Variants in PRLR observed in about 807,000 individuals in gnomAD.
PRLR encodes prolactin receptor.
A neutral mutation model predicts 40.2 loss-of-function variants in PRLR; 13 were observed. The observed-to-expected ratio is 0.32, with a 90% CI of 0.21 to 0.51. The LOEUF (loss-of-function observed/expected upper bound fraction) is 0.51. PRLR is among the 20% of genes least tolerant of loss of function. The pLI is 0.97. For synonymous variants in PRLR, 269 were observed against 278.7 expected (o/e 0.97, Z 0.35); for missense variants, 656 against 747.3 (o/e 0.88, Z 1.42).
chr5:35,078,517 C>G (rs527285950), intron 5 of PRLR, among the ~76,000 whole-genome samples: 229 of 152,144 alleles, frequency 1.5e-3, no homozygotes, highest in Non-Finnish European at 2.9e-3. Context: ...GAAGTTGAAT[C>G]TCTGAATAGA....
chr5:35,065,390 A>G lies in PRLR; in HGVS notation c.1568T>C (p.Leu523Ser). 1.2e-6 allele frequency: 2 copies of G among 1,614,144 alleles called. No homozygotes were observed. Reference protein sequence around the residue: ...HKVNKDGALSLLPKQRENSGK... With the variant: ...HKVNKDGALSSLPKQRENSGK... ...GCTGTTCTCTCTCTGTTTTGGTAGC[A>G]ATGATAATGCACCATCTTTGTTGAC... Residue 523 changes from leucine to serine, a missense_variant, in exon 10 of 10, where the codon TTG (leucine) becomes TCG (serine). Transcript: ENST00000618457.
intron 1 of PRLR, among the ~76,000 whole-genome samples, chr5:35,131,588 C>T (rs1037091315): frequency 7.2e-5 from 11 of 152,306 alleles, no homozygotes; most frequent in African/African-American, 2.6e-4. Flanking sequence ...GGATGCTGAT[C>T]CCCTGTATGG....
intron 1 of PRLR, among the ~76,000 whole-genome samples, chr5:35,144,038 C>T (rs1774101617): frequency 6.7e-6 from 1 of 149,046 alleles, no homozygotes; most frequent in Admixed American, 6.8e-5. Context: ...AGCTCTAACA[C>T]TCATTATTAA....
chr5:35,146,322 A>G (rs148767393), intron 1 of PRLR, among the ~76,000 whole-genome samples: 1 of 152,316 alleles, frequency 6.6e-6, no homozygotes, highest in East Asian at 1.9e-4. Context: ...ATCAATTGCA[A>G]TGCAGATTTG....
chr5:35,067,411 A>G (rs1287280123), intron 9 of PRLR, among the ~76,000 whole-genome samples: 1 of 152,110 alleles, frequency 6.6e-6, no homozygotes, highest in Non-Finnish European at 1.5e-5. Context: ...GTGGAGGAAG[A>G]GCACTGGGTC....
At chr5:35,150,264 G>A (rs1453210702) in intron 1 of PRLR, among the ~76,000 whole-genome samples, 1 of 152,180 alleles carries the variant, frequency 6.6e-6, no homozygotes, top group Non-Finnish European at 1.5e-5. Flanking sequence ...TTACCACAGA[G>A]TGAGGATTGT....
intron 1 of PRLR, among the ~76,000 whole-genome samples, chr5:35,222,257 C>T (rs1403500464): frequency 2.0e-5 from 3 of 151,930 alleles, no homozygotes; most frequent in Admixed American, 6.6e-5. Context: ...GAGCCGAGAT[C>T]GCGCCACTGC....
intron 1 of PRLR, among the ~76,000 whole-genome samples, chr5:35,204,110 T>C: frequency 6.6e-6 from 1 of 151,952 alleles, no homozygotes. Context: ...CTTAAAGGAA[T>C]GTGTATTTCA....
chr5:35,113,182 C>T (rs1772778067), intron 2 of PRLR, among the ~76,000 whole-genome samples: 1 of 150,992 alleles, frequency 6.6e-6, no homozygotes, highest in Admixed American at 6.6e-5. Context: ...CTCCATCCAC[C>T]CACCCATCTA....
intron 3 of PRLR, among the ~76,000 whole-genome samples, chr5:35,089,010 AC>A (rs1370808578): frequency 6.6e-6 from 1 of 152,208 alleles, no homozygotes; most frequent in African/African-American, 2.4e-5. Flanking sequence ...GGGTTGACAT[AC>A]AGAAGTGTAT....
chr5:35,083,448 C>CTGTGTGTG (rs144426701), intron 5 of PRLR, among the ~76,000 whole-genome samples: 3 of 144,356 alleles, frequency 2.1e-5, no homozygotes, highest in African/African-American at 7.9e-5. Flanking sequence ...TCCTCTCTCT[C>CTGTGTGTG]TGTGTGTGTG....
intron 1 of PRLR, among the ~76,000 whole-genome samples, chr5:35,123,565 G>C (rs1773361324): frequency 6.6e-6 from 1 of 152,148 alleles, no homozygotes; most frequent in South Asian, 2.1e-4. Flanking sequence ...TGATGTTATT[G>C]ATTTCATTGT....
At chr5:35,227,108 T>TA (rs1199091549) in intron 1 of PRLR, among the ~76,000 whole-genome samples, 1 of 152,224 alleles carries the variant, frequency 6.6e-6, no homozygotes, top group Non-Finnish European at 1.5e-5. Flanking sequence ...ATCTTGAGTC[T>TA]AATGGCTGGG....
At chr5:35,055,120 A>G (rs1233434061), downstream of PRLR, among the ~76,000 whole-genome samples, 1 of 152,352 alleles carries the variant, frequency 6.6e-6, no homozygotes, top group African/African-American at 2.4e-5. Flanking sequence ...TCACAAATGG[A>G]TGATGAACTC....
chr5:35,069,684 G>T (rs1579571142), intron 7 of PRLR, among the ~76,000 whole-genome samples: 1 of 152,204 alleles, frequency 6.6e-6, no homozygotes, highest in Non-Finnish European at 1.5e-5. Context: ...CTGAATTAAG[G>T]TGCTTTGCTG....
At chr5:35,100,142 C>T (rs1332683891) in intron 2 of PRLR, among the ~76,000 whole-genome samples, 3 of 147,800 alleles carry the variant, frequency 2.0e-5, no homozygotes, top group African/African-American at 7.7e-5. Context: ...TTGCAGCGAG[C>T]CATTGCACTG....
intron 1 of PRLR, among the ~76,000 whole-genome samples, chr5:35,219,120 A>C (rs1776355525): frequency 6.6e-6 from 1 of 152,082 alleles, no homozygotes; most frequent in Admixed American, 6.6e-5. Flanking sequence ...CAGCCTCTAG[A>C]TTATGCCATC....
At chr5:35,162,789 C>T (rs559515906) in intron 1 of PRLR, among the ~76,000 whole-genome samples, 8 of 152,312 alleles carry the variant, frequency 5.3e-5, no homozygotes, top group South Asian at 4.1e-4. Flanking sequence ...CTGTGTCTCC[C>T]GGGCAGTTTC....
chr5:35,075,348 G>A (rs568479898), intron 5 of PRLR, among the ~76,000 whole-genome samples: 64 of 152,310 alleles, frequency 4.2e-4, no homozygotes, highest in African/African-American at 7.5e-4. Flanking sequence ...GTAATACTGC[G>A]CTTTTCCAAC....
Sources: allele counts gnomAD v4.1 joint callset (sites outside exome capture counted in the v4.1 genomes callset), GRCh38; gene constraint gnomAD v4.1.1; transcripts MANE v1.5; gene names NCBI Gene and HGNC (gene_info 2026-07-23, HGNC 2026-07-21).